Variants in CNTNAP5 observed in about 807,000 individuals in gnomAD.
The protein encoded by CNTNAP5 is contactin-associated protein-like 5.
In CNTNAP5, 72 loss-of-function variants were observed where a neutral mutation model predicts 150.2. The observed-to-expected ratio is 0.48, with a 90% CI of 0.40 to 0.58. The LOEUF (loss-of-function observed/expected upper bound fraction) is 0.58. CNTNAP5 is among the 20% of genes least tolerant of loss of function. The probability of loss-of-function intolerance (pLI) is 0.00; values close to 1 mark genes in which losing one functional copy is unlikely to be tolerated. For missense variants in CNTNAP5, 1,636 were observed against 1,626.2 expected, an observed-to-expected ratio of 1.01 and a Z score of -0.10; for synonymous variants, 672 against 619.8, an observed-to-expected ratio of 1.08 and a Z score of -1.25.
chr2:124,345,585 A>C (rs1689718444), intron 3 of CNTNAP5, among the ~76,000 whole-genome samples: 2 of 152,194 alleles, frequency 1.3e-5, no homozygotes, highest in Non-Finnish European at 1.5e-5. Flanking sequence ...TGGGTTAAAG[A>C]GGTAGATATA....
chr2:124,242,057 T>A, intron 2 of CNTNAP5, 143 bp from the exon 3 acceptor site: 2 of 640,786 alleles, frequency 3.1e-6, no homozygotes, highest in Non-Finnish European at 5.5e-6. Flanking sequence ...GGGGGTTAAG[T>A]ACAGAGGCAG....
chr2:124,260,788 T>C (rs1687433500), intron 3 of CNTNAP5, among the ~76,000 whole-genome samples: 1 of 152,178 alleles, frequency 6.6e-6, no homozygotes, highest in Admixed American at 6.6e-5. Context: ...AGCTGTACAC[T>C]GAAATGAAAA....
chr2:124,128,438 T>C lies in CNTNAP5; in HGVS notation c.83-93267T>C, dbSNP rs568827651. On this transcript the variant is annotated intron_variant, in intron 1 of 23. Coordinates refer to ENST00000682447, the MANE Select transcript of CNTNAP5 (RefSeq NM_001367498.1). ...CAATGCTGGAGAGGATATGGAGAAA[T>C]AGGAACACTTTTACACTGTTGGTGG... is the stretch of plus-strand genomic sequence containing the variant. 4.6e-5 allele frequency among the ~76,000 whole-genome samples: 7 copies of C among 152,200 alleles called. No homozygotes were observed. The South Asian group carries it at 1.5e-3, about 32-fold the overall frequency.
At chr2:124,465,977 CA>C (rs957939647) in intron 6 of CNTNAP5, among the ~76,000 whole-genome samples, 18 of 151,558 alleles carry the variant, frequency 1.2e-4, no homozygotes, top group African/African-American at 4.4e-4. Flanking sequence ...TGAGAAGAGA[CA>C]AAAAAAAGTC....
chr2:124,452,950 A>G (rs1249947378), intron 6 of CNTNAP5, among the ~76,000 whole-genome samples: 1 of 152,174 alleles, frequency 6.6e-6, no homozygotes, highest in Non-Finnish European at 1.5e-5. Context: ...AACTCTGATT[A>G]TATGACAAAA....
chr2:124,664,543 T>A (rs1230264773), intron 13 of CNTNAP5, among the ~76,000 whole-genome samples: 1 of 152,132 alleles, frequency 6.6e-6, no homozygotes, highest in African/African-American at 2.4e-5. Flanking sequence ...TTCTCTCAAG[T>A]GTTACTGGTC....
intron 22 of CNTNAP5, among the ~76,000 whole-genome samples, chr2:124,903,990 G>T (rs1678473260): frequency 7.0e-6 from 1 of 143,162 alleles, no homozygotes; most frequent in Non-Finnish European, 1.5e-5. Flanking sequence ...GAAGGCAGAG[G>T]TTGCAGTGAG....
At chr2:124,677,655 C>T (rs1362614742) in intron 13 of CNTNAP5, among the ~76,000 whole-genome samples, 3 of 151,368 alleles carry the variant, frequency 2.0e-5, no homozygotes, top group Non-Finnish European at 4.4e-5. Flanking sequence ...CTGATTGGTG[C>T]GTTTTTAGAG....
intron 3 of CNTNAP5, among the ~76,000 whole-genome samples, chr2:124,362,299 C>T (rs566643649): frequency 1.4e-4 from 22 of 152,300 alleles, no homozygotes; most frequent in South Asian, 4.1e-4. Flanking sequence ...AGCTGTAGAC[C>T]GGAGCTATTC....
Position 124,591,705 on chromosome 2 carries a change from C to T in CNTNAP5, c.1757-18096C>T, listed in dbSNP as rs558213740. 2.8e-4 allele frequency among the ~76,000 whole-genome samples: 42 copies of T among 152,224 alleles called. No homozygotes were observed. In the South Asian group the frequency reaches 7.5e-3, roughly 27 times the overall value. ...CACCTACTCATATTTTAAAGCTTACCTTAATGGTGGGAACATTTATGGTGT... is the reference window on the plus strand; with the variant it reads ...CACCTACTCATATTTTAAAGCTTACTTTAATGGTGGGAACATTTATGGTGT... On this transcript the variant is annotated intron_variant, in intron 11 of 23. Coordinates refer to ENST00000682447, the MANE Select transcript of CNTNAP5 (RefSeq NM_001367498.1).
At chr2:124,474,508 GA>G (rs767557788) in intron 6 of CNTNAP5, among the ~76,000 whole-genome samples, 2 of 152,128 alleles carry the variant, frequency 1.3e-5, no homozygotes, top group South Asian at 4.1e-4. Context: ...GTTCAGAAAG[GA>G]AGTGAAAATG....
intron 19 of CNTNAP5, among the ~76,000 whole-genome samples, chr2:124,854,127 A>T (rs1015818336): frequency 2.6e-5 from 4 of 152,118 alleles, no homozygotes; most frequent in African/African-American, 9.7e-5. Flanking sequence ...TTTCATGTGG[A>T]TGTACTTCAA....
At chr2:124,342,134 C>T (rs983346786) in intron 3 of CNTNAP5, among the ~76,000 whole-genome samples, 10 of 152,188 alleles carry the variant, frequency 6.6e-5, no homozygotes, top group Non-Finnish European at 1.5e-4. Flanking sequence ...TCTTCAGTCA[C>T]TCTAATTTTT....
intron 12 of CNTNAP5, among the ~76,000 whole-genome samples, chr2:124,639,534 G>GGCTA (rs1365128321): frequency 1.3e-5 from 2 of 152,076 alleles, no homozygotes; most frequent in African/African-American, 4.8e-5. Flanking sequence ...AAAAGACAAA[G>GGCTA]GCTAGCCCTT....
chr2:124,623,207 C>T (rs1219612848), intron 12 of CNTNAP5, among the ~76,000 whole-genome samples: 1 of 152,132 alleles, frequency 6.6e-6, no homozygotes, highest in Non-Finnish European at 1.5e-5. Flanking sequence ...AGTTCACAGA[C>T]TTTATAATCT....
chr2:124,796,324 A>G (rs1350865120), intron 18 of CNTNAP5, among the ~76,000 whole-genome samples: 1 of 152,192 alleles, frequency 6.6e-6, no homozygotes, highest in East Asian at 1.9e-4. Context: ...CCATTTAAGC[A>G]CACACACAAA....
At chr2:124,545,968 C>G (rs1414486177) in intron 10 of CNTNAP5, among the ~76,000 whole-genome samples, 1 of 152,094 alleles carries the variant, frequency 6.6e-6, no homozygotes, top group Non-Finnish European at 1.5e-5. Context: ...GACCTCAGCC[C>G]TACCAACTGA....
chr2:124,208,638 G>T (rs1261183739), intron 1 of CNTNAP5, among the ~76,000 whole-genome samples: 1 of 152,118 alleles, frequency 6.6e-6, no homozygotes, highest in Non-Finnish European at 1.5e-5. Flanking sequence ...GGTGACTGGG[G>T]ACAAACCATG....
At chr2:124,558,199 T>C (rs564519377) in intron 10 of CNTNAP5, among the ~76,000 whole-genome samples, 1 of 152,272 alleles carries the variant, frequency 6.6e-6, no homozygotes, top group South Asian at 2.1e-4. Context: ...TGCTTGCATC[T>C]CAGACTAGAG....
Sources: gnomAD v4.1 joint callset for allele counts (sites outside exome capture counted in the v4.1 genomes callset) on GRCh38, gnomAD v4.1.1 for gene constraint, MANE v1.5 for transcripts, NCBI Gene and HGNC (gene_info 2026-07-23, HGNC 2026-07-21) for gene names.